ARB2A: variants seen among roughly 807,000 people sequenced by gnomAD.
The protein encoded by ARB2A is ARB2 cotranscriptional regulator A, also known as cotranscriptional regulator ARB2A.
the ARB2A span, among the ~76,000 whole-genome samples, chr5:93,889,039 T>C: frequency 3.9e-4 from 60 of 151,914 alleles, no homozygotes; most frequent in Non-Finnish European, 6.6e-4. Flanking sequence ...GTAGAAAATT[T>C]TAAATCCAAA....
the ARB2A span, among the ~76,000 whole-genome samples, chr5:93,911,114 C>A: frequency 1.3e-5 from 2 of 151,432 alleles, no homozygotes; most frequent in African/African-American, 4.8e-5. Context: ...TGCTGACTTA[C>A]AGCATTTAGA....
the ARB2A span, among the ~76,000 whole-genome samples, chr5:93,852,886 C>A: frequency 1.3e-5 from 2 of 152,112 alleles, no homozygotes; most frequent in Non-Finnish European, 2.9e-5. Flanking sequence ...AGTCAGGTAG[C>A]GTGATGCCTC....
chr5:93,737,913 T>C, the ARB2A span: 1 of 448,792 alleles, frequency 2.2e-6, no homozygotes, highest in South Asian at 1.6e-5. Context: ...CAAATCTTCA[T>C]GACTTTGCAT....
the ARB2A span, among the ~76,000 whole-genome samples, chr5:93,679,328 T>G: frequency 6.6e-6 from 1 of 152,126 alleles, no homozygotes; most frequent in African/African-American, 2.4e-5. Flanking sequence ...TTCATTTATA[T>G]GTCTCATGTA....
the ARB2A span, among the ~76,000 whole-genome samples, chr5:93,669,513 T>C: frequency 6.6e-6 from 1 of 152,226 alleles, no homozygotes; most frequent in Non-Finnish European, 1.5e-5. Context: ...ACAGAGTACC[T>C]ACATTTGTAA....
At chr5:93,660,469 G>A in the ARB2A span, among the ~76,000 whole-genome samples, 1 of 152,150 alleles carries the variant, frequency 6.6e-6, no homozygotes, top group Non-Finnish European at 1.5e-5. Context: ...CCAGAGATGA[G>A]TAAGGGGCAA....
chr5:93,725,601 G>C, the ARB2A span, among the ~76,000 whole-genome samples: 6 of 151,994 alleles, frequency 3.9e-5, no homozygotes, highest in Non-Finnish European at 5.9e-5. Context: ...GAACAAATGA[G>C]ATGACAAATG....
chr5:93,948,712 T>G, the ARB2A span, among the ~76,000 whole-genome samples: 1 of 152,194 alleles, frequency 6.6e-6, no homozygotes, highest in Non-Finnish European at 1.5e-5. Flanking sequence ...GGGTCCAGTT[T>G]CAGCTTTCTA....
At chr5:93,765,567 C>G in the ARB2A span, among the ~76,000 whole-genome samples, 1 of 152,178 alleles carries the variant, frequency 6.6e-6, no homozygotes, top group Non-Finnish European at 1.5e-5. Flanking sequence ...AATGGAAGAA[C>G]ATTCCATGCT....
the ARB2A span, among the ~76,000 whole-genome samples, chr5:93,787,519 T>G: frequency 6.6e-6 from 1 of 152,204 alleles, no homozygotes; most frequent in Non-Finnish European, 1.5e-5. Context: ...AATATGGAAA[T>G]GTAGGCAAAA....
the ARB2A span, among the ~76,000 whole-genome samples, chr5:93,808,087 G>T: frequency 8.6e-5 from 13 of 151,998 alleles, no homozygotes; most frequent in Non-Finnish European, 1.6e-4. Flanking sequence ...GAGGGAACAT[G>T]CGCAATAGAT....
chr5:93,836,832 T>C, the ARB2A span, among the ~76,000 whole-genome samples: 7 of 152,192 alleles, frequency 4.6e-5, no homozygotes, highest in Non-Finnish European at 1.0e-4. Context: ...TTAGAAATTT[T>C]GGACCTTGAA....
the ARB2A span, among the ~76,000 whole-genome samples, chr5:93,973,160 A>C: frequency 9.0e-6 from 1 of 110,538 alleles, no homozygotes; most frequent in Non-Finnish European, 1.8e-5. Context: ...TATGTTGGCC[A>C]GGCTGGTCTT....
the ARB2A span, among the ~76,000 whole-genome samples, chr5:93,875,812 A>C: frequency 6.6e-6 from 1 of 152,008 alleles, no homozygotes; most frequent in African/African-American, 2.4e-5. Context: ...AAAAAAAAAA[A>C]AGAGACTAAA....
chr5:93,767,993 C>CA, the ARB2A span, among the ~76,000 whole-genome samples: 2,147 of 20,906 alleles, frequency 0.1, 526 homozygotes, highest in Non-Finnish European at 0.14. Context: ...GACTCCATCT[C>CA]AAAAAAAAAA....
chr5:93,920,773 T>C, the ARB2A span, among the ~76,000 whole-genome samples: 1 of 152,140 alleles, frequency 6.6e-6, no homozygotes, highest in African/African-American at 2.4e-5. Flanking sequence ...TTCACTGCAG[T>C]TCATACTGCA....
At chr5:93,652,193 C>G in the ARB2A span, among the ~76,000 whole-genome samples, 286 of 152,214 alleles carry the variant, frequency 1.9e-3, 3 homozygotes, top group Non-Finnish European at 1.1e-3. Flanking sequence ...AACTACAACT[C>G]TCAGGTATTA....
chr5:94,106,580 T>C, the ARB2A span, among the ~76,000 whole-genome samples: 1 of 152,006 alleles, frequency 6.6e-6, no homozygotes, highest in South Asian at 2.1e-4. Flanking sequence ...CTAAAGAACC[T>C]AAAACAGAAA....
the ARB2A span, among the ~76,000 whole-genome samples, chr5:93,876,834 C>T: frequency 2.0e-5 from 3 of 151,798 alleles, no homozygotes; most frequent in Non-Finnish European, 2.9e-5. Flanking sequence ...CCAGTCAGAA[C>T]ATCAAAAACA....
Sources: allele counts gnomAD v4.1 joint callset (sites outside exome capture counted in the v4.1 genomes callset), GRCh38; gene constraint gnomAD v4.1.1; transcripts MANE v1.5; gene names NCBI Gene and HGNC (gene_info 2026-07-23, HGNC 2026-07-21).